TANC2: variants seen among roughly 807,000 people sequenced by gnomAD.
TANC2 encodes the protein tetratricopeptide repeat, ankyrin repeat and coiled-coil containing 2.
In TANC2, 26 loss-of-function variants were observed where a neutral mutation model predicts 210.5. The observed-to-expected ratio is 0.12, with a 90% CI of 0.09 to 0.17. The LOEUF is 0.17. Among genes scored for constraint, TANC2 ranks in the 10% least tolerant of loss-of-function variants. The probability of loss-of-function intolerance (pLI) is 1.00; values close to 1 mark genes in which losing one functional copy is unlikely to be tolerated. For missense variants in TANC2, 2,129 were observed against 2,608.9 expected (o/e 0.82, Z 4.01); for synonymous variants, 931 against 967.1 (o/e 0.96, Z 0.69).
exon 21 of TANC2, chr17:63,406,169 C>G: frequency 6.2e-7 from 1 of 1,613,918 alleles, no homozygotes; most frequent in South Asian, 1.1e-5. Context: ...TGATCTTTTA[C>G]TCACCCATGG....
At chr17:63,390,064 G>A (rs1286708110) in intron 17 of TANC2, 2 of 165,408 alleles carry the variant, frequency 1.2e-5, no homozygotes, top group African/African-American at 2.4e-5. Flanking sequence ...CTGACCAAGG[G>A]CACCTCGAAG....
At chr17:63,184,352 G>A (rs1460502299) in intron 5 of TANC2, among the ~76,000 whole-genome samples, 2 of 151,928 alleles carry the variant, frequency 1.3e-5, no homozygotes, top group Non-Finnish European at 2.9e-5. Flanking sequence ...AACAAGTATT[G>A]TTGAGAATAT....
At chr17:63,258,019 G>A (rs969313209) in intron 8 of TANC2, among the ~76,000 whole-genome samples, 1 of 152,132 alleles carries the variant, frequency 6.6e-6, no homozygotes, top group African/African-American at 2.4e-5. Flanking sequence ...ACTCTGGTTA[G>A]CATTTCTTGT....
At chr17:63,389,159 A>G (rs2047882220) in intron 16 of TANC2, 149 bp from the exon 17 acceptor site, 2 of 681,960 alleles carry the variant, frequency 2.9e-6, no homozygotes, top group South Asian at 4.0e-5. Flanking sequence ...ACCAAAGGAA[A>G]AGAAAAAGGA....
At chr17:63,026,400 A>G (rs1473234734) in intron 2 of TANC2, among the ~76,000 whole-genome samples, 1 of 152,176 alleles carries the variant, frequency 6.6e-6, no homozygotes, top group Non-Finnish European at 1.5e-5. Flanking sequence ...GCATCAGTGT[A>G]TAGAATAGAC....
intron 1 of TANC2, among the ~76,000 whole-genome samples, chr17:62,990,752 A>G (rs2032820041): frequency 6.6e-6 from 1 of 152,170 alleles, no homozygotes; most frequent in South Asian, 2.1e-4. Flanking sequence ...AGAAAAAGGA[A>G]TATGTCTATT....
chr17:63,010,702 T>C (rs2033828991), intron 2 of TANC2, among the ~76,000 whole-genome samples: 2 of 152,264 alleles, frequency 1.3e-5, no homozygotes, highest in Non-Finnish European at 2.9e-5. Flanking sequence ...CATGACCCCT[T>C]TCTCAGGTTC....
intron 5 of TANC2, among the ~76,000 whole-genome samples, chr17:63,165,049 A>G (rs995129169): frequency 6.6e-6 from 1 of 152,130 alleles, no homozygotes; most frequent in African/African-American, 2.4e-5. Context: ...TGAGAGGCTG[A>G]GGTGGGAGAA....
chr17:63,356,071 G>A (rs2046773535), intron 14 of TANC2, among the ~76,000 whole-genome samples: 1 of 151,998 alleles, frequency 6.6e-6, no homozygotes, highest in South Asian at 2.1e-4. Context: ...ACAAGTGCAT[G>A]ATATATCCCA....
At chr17:63,402,548 T>C (rs1385419874) in intron 19 of TANC2, among the ~76,000 whole-genome samples, 2 of 152,214 alleles carry the variant, frequency 1.3e-5, no homozygotes. Flanking sequence ...AGGTTGAAAG[T>C]AGATGAAAGA....
chr17:62,971,086 G>A lies in TANC2; in HGVS notation c.-24+4337G>A, dbSNP rs75685812. ...TATACAAATAAATAGTTTAGACTTCGTTGTAATACCGTGAGAATACCGCTT... is the reference window on the plus strand; with the variant it reads ...TATACAAATAAATAGTTTAGACTTCATTGTAATACCGTGAGAATACCGCTT... On this transcript the variant is annotated intron_variant, in intron 1 of 27. Coordinates refer to ENST00000689528, the Ensembl canonical transcript of TANC2. Among the ~76,000 whole-genome samples, 216 of 152,090 alleles carry A rather than the reference G, an allele frequency of 1.4e-3. 2 individuals are homozygous for A. The East Asian group carries it at 0.038, about 27-fold the overall frequency.
At chr17:63,222,410 A>G (rs2145943375) in intron 7 of TANC2, among the ~76,000 whole-genome samples, 1 of 152,376 alleles carries the variant, frequency 6.6e-6, no homozygotes, top group Admixed American at 6.5e-5. Context: ...CTACTAATAC[A>G]ACATCATGGA....
intron 4 of TANC2, among the ~76,000 whole-genome samples, chr17:63,141,276 T>C (rs1368864750): frequency 6.8e-6 from 1 of 146,292 alleles, no homozygotes; most frequent in African/African-American, 2.5e-5. Flanking sequence ...GTGTGGTGGC[T>C]CATGCCTGTA....
intron 5 of TANC2, among the ~76,000 whole-genome samples, chr17:63,169,065 G>C (rs779496171): frequency 6.6e-6 from 1 of 152,154 alleles, no homozygotes; most frequent in Admixed American, 6.5e-5. Context: ...TCCTCAACCA[G>C]TTACCTCTAG....
chr17:63,220,042 C>A (rs1031908711), intron 7 of TANC2, among the ~76,000 whole-genome samples: 1 of 152,096 alleles, frequency 6.6e-6, no homozygotes, highest in Non-Finnish European at 1.5e-5. Flanking sequence ...CACCTGTAGT[C>A]CCAACACTGT....
In TANC2 at chr17:63,200,435, T is replaced by G. The variant is rs369411998; in HGVS notation, c.583-336T>G. 3.5e-4 allele frequency among the ~76,000 whole-genome samples: 53 copies of G among 151,994 alleles called. No individual in the cohort carries two copies. The South Asian group carries it at 9.8e-3, about 28-fold the overall frequency. ...GTTCCAGGTCTTCCAAAAAGTTTTATTGATTGCAAGGAAAACTTGCAATAG... is the reference window on the plus strand; with the variant it reads ...GTTCCAGGTCTTCCAAAAAGTTTTAGTGATTGCAAGGAAAACTTGCAATAG... On this transcript the variant is annotated intron_variant, in intron 6 of 27. Coordinates refer to ENST00000689528, the Ensembl canonical transcript of TANC2.
chr17:63,403,796 CT>C (rs1374017416), intron 19 of TANC2, among the ~76,000 whole-genome samples: 2 of 152,142 alleles, frequency 1.3e-5, no homozygotes, highest in African/African-American at 4.8e-5. Context: ...CCTTCTTATC[CT>C]TGCAGAAGGA....
intron 6 of TANC2, among the ~76,000 whole-genome samples, chr17:63,195,594 G>A (rs1385839442): frequency 1.3e-5 from 2 of 152,092 alleles, no homozygotes; most frequent in African/African-American, 2.4e-5. Context: ...TATTCTACCC[G>A]TTGCCGTATC....
intron 11 of TANC2, among the ~76,000 whole-genome samples, chr17:63,325,125 A>C (rs2045607121): frequency 6.6e-6 from 1 of 152,078 alleles, no homozygotes; most frequent in Non-Finnish European, 1.5e-5. Flanking sequence ...TAGGATATTT[A>C]GAAGAAGTGA....
Sources: allele counts gnomAD v4.1 joint callset (sites outside exome capture counted in the v4.1 genomes callset), GRCh38; gene constraint gnomAD v4.1.1; transcripts MANE v1.5; gene names NCBI Gene and HGNC (gene_info 2026-07-23, HGNC 2026-07-21).